SPATA31C2: variants seen among roughly 807,000 people sequenced by gnomAD.
SPATA31C2 encodes the protein spermatogenesis-associated protein 31C2.
SPATA31C2 carries 5 observed loss-of-function variants against 11.4 expected under a neutral mutation model. The ratio of observed to expected loss-of-function variants is 0.44; its 90% CI spans 0.23 to 0.92. The LOEUF is 0.92. Among genes scored for constraint, SPATA31C2 ranks in the 40% least tolerant of loss-of-function variants. The pLI, the probability that SPATA31C2 is intolerant of heterozygous loss-of-function variation, is 0.24. For missense variants in SPATA31C2, 1,353 were observed against 1,368.6 expected, an observed-to-expected ratio of 0.99 and a Z score of 0.18; for synonymous variants, 515 against 538.7, an observed-to-expected ratio of 0.96 and a Z score of 0.61.
rs753477277 is a variant in SPATA31C2, at chr9:88,130,800, C to T, written c.2237G>A (p.Arg746Gln). The change falls in exon 4 of 4, where the codon CGA becomes CAA. Residue 746 changes from arginine to glutamine, a missense_variant. This residue lies in a region of SPATA31C2 where 1,075 missense variants were observed against 992.8 expected (regional missense o/e 1.08). Coordinates refer to ENST00000324915, the MANE Select transcript of SPATA31C2 (RefSeq NM_001350978.3). ...ATGATCATTCGAAGATGGGATCCCT[C>T]GCGGGGCCCTCTGGAACTGCTTACA... is the stretch of plus-strand genomic sequence containing the variant. Reference protein sequence around the residue: ...PACKQFQRAPRGIPSSNDHGS... With the variant: ...PACKQFQRAPQGIPSSNDHGS... The T allele has an allele frequency of 9.3e-6, 15 of 1,612,822 alleles. No homozygotes were observed. Among genetic ancestry groups the T allele is most frequent in the African/African-American group, 2.7e-5 (2 of 74,888 alleles).
Position 88,132,150 on chromosome 9 carries a change from C to A in SPATA31C2, c.887G>T (p.Trp296Leu). Reference protein sequence around the residue: ...LSWSQETTKTWCVFNSSVQQD... With the variant: ...LSWSQETTKTLCVFNSSVQQD... ...CTGGACTGACGAGTTGAAGACGCAC[C>A]AGGTTTTGGTAGTCTCCTGCGACCA... Residue 296 changes from tryptophan to leucine, a missense_variant, in exon 4 of 4, where the codon TGG (tryptophan) becomes TTG (leucine). Trp to Leu is a moderately conservative substitution (Grantham distance 61). Around this residue, in one of 6 missense-constraint regions of SPATA31C2, gnomAD observed 1,075 missense variants for 992.8 expected, o/e 1.08. Transcript: ENST00000324915. 1 of 1,610,610 alleles carries A rather than the reference C, an allele frequency of 6.2e-7. No individual in the cohort carries two copies. Among genetic ancestry groups the A allele is most frequent in the Non-Finnish European group, 8.5e-7 (1 of 1,177,598 alleles).
In SPATA31C2 at chr9:88,133,545, C is replaced by G. The variant is rs202054946; in HGVS notation, c.265+49G>C. 9.2e-3 allele frequency: 14,239 copies of G among 1,555,626 alleles called. 388 individuals are homozygous for G. The East Asian group carries it at 0.2, about 22-fold the overall frequency. The stretch of plus-strand genomic sequence containing the variant: ...GACTTCTTCAGAGTCAGTTCCCTCC[C>G]GGACAGATGAGATCAAATTAACTCT... On this transcript the variant is annotated intron_variant, in intron 2 of 3. Transcript: ENST00000324915.
Position 88,131,322 on chromosome 9 carries a change from A to C in SPATA31C2, c.1715T>G (p.Ile572Arg). 1 of 1,611,878 alleles carries C rather than the reference A, an allele frequency of 6.2e-7. No individual in the cohort carries two copies. Among genetic ancestry groups the C allele is most frequent in the Non-Finnish European group, 8.5e-7 (1 of 1,179,858 alleles). The change falls in exon 4 of 4, where the codon ATA becomes AGA. Residue 572 changes from isoleucine (I) to arginine (R), a missense_variant. Ile to Arg is a moderately conservative substitution (Grantham distance 97). This residue lies in a region of SPATA31C2 where 1,075 missense variants were observed against 992.8 expected (regional missense o/e 1.08). Coordinates refer to ENST00000324915, the MANE Select transcript of SPATA31C2 (RefSeq NM_001350978.3). Reference sequence around the variant, plus strand: ...CATGTGGGCTTTCAGGATGTTTTCTATATGATTCCTCTCTGTGCGTCTTAA... The same window carrying C: ...CATGTGGGCTTTCAGGATGTTTTCTCTATGATTCCTCTCTGTGCGTCTTAA... ...DLLRRTERNHIENILKAHMSR... is the reference protein window; with the variant it reads ...DLLRRTERNHRENILKAHMSR...
rs373582239 is a variant in SPATA31C2, at chr9:88,132,357, G to C, written c.680C>G (p.Pro227Arg). The change falls in exon 4 of 4, where the codon CCG becomes CGG. Residue 227 changes from proline (P) to arginine (R), a missense_variant. Pro to Arg is a moderately radical substitution (Grantham distance 103). Transcript: ENST00000324915. ...PDPLACSPPP[P>R]KGFTPPPLRD... ...CAGGGGAGGAGGAGTGAAGCCTTTC[G>C]GAGGAGGCGGAGAGCAGGCCAGAGG... The C allele has an allele frequency of 6.2e-7, 1 of 1,611,068 alleles. No homozygotes were observed. Among genetic ancestry groups the C allele is most frequent in the South Asian group, 1.1e-5 (1 of 91,022 alleles).
In SPATA31C2 at chr9:88,136,500, C is replaced by A. The variant is rs1052431421; in HGVS notation, c.189+1758G>T. Reference sequence around the variant, plus strand: ...TTGCACTTTTCTTCCAGTTTTTACCCTGTCTTTATTAACAGGCTCTTATGC... The same window carrying A: ...TTGCACTTTTCTTCCAGTTTTTACCATGTCTTTATTAACAGGCTCTTATGC... On this transcript the variant is annotated intron_variant, in intron 1 of 3. Coordinates refer to ENST00000324915, the MANE Select transcript of SPATA31C2 (RefSeq NM_001350978.3). Among the ~76,000 whole-genome samples, 5 of 145,980 alleles carry A rather than the reference C, an allele frequency of 3.4e-5. 1 individual carries two copies. The highest frequency in any genetic ancestry group is 1.3e-4 in the African/African-American group (5 of 39,948).
rs1167077680 is a variant in SPATA31C2, at chr9:88,132,029, A to C, written c.1008T>G (p.Phe336Leu). ...LSHLEPESQP[F>L]ISSTPQFWPT... ...GCCAGAATTGGGGTGTGGATGAAATAAAGGGTTGGGACTCAGGCTCCAGAT... is the reference window on the plus strand; with the variant it reads ...GCCAGAATTGGGGTGTGGATGAAATCAAGGGTTGGGACTCAGGCTCCAGAT... The change falls in exon 4 of 4, where the codon TTT (phenylalanine) becomes TTG (leucine). Residue 336 changes from phenylalanine to leucine, a missense_variant. Physicochemically the swap from Phe to Leu is conservative, Grantham distance 22. Coordinates refer to ENST00000324915, the MANE Select transcript of SPATA31C2 (RefSeq NM_001350978.3). 6.2e-7 allele frequency: 1 copy of C among 1,610,894 alleles called. No individual in the cohort carries two copies. Among genetic ancestry groups the C allele is most frequent in the South Asian group, 1.1e-5 (1 of 91,038 alleles).
chr9:88,130,614 A>G lies in SPATA31C2; in HGVS notation c.2423T>C (p.Leu808Ser), dbSNP rs771466611. 8.1e-6 allele frequency: 13 copies of G among 1,613,458 alleles called. No homozygotes were observed. Among genetic ancestry groups the G allele is most frequent in the South Asian group, 6.6e-5 (6 of 91,064 alleles). Reference protein sequence around the residue: ...REAVPQPTVPLGTCMRANLQA... With the variant: ...REAVPQPTVPSGTCMRANLQA... ...GAGGTTTGCTCTCATACAGGTTCCC[A>G]AGGGGACTGTGGGTTGTGGCACTGC... Residue 808 changes from leucine (L) to serine (S), a missense_variant, in exon 4 of 4, where the codon TTG becomes TCG. Leu to Ser is a moderately radical substitution (Grantham distance 145). Coordinates refer to ENST00000324915, the MANE Select transcript of SPATA31C2 (RefSeq NM_001350978.3).
intron 1 of SPATA31C2, among the ~76,000 whole-genome samples, chr9:88,137,897 G>T (rs1825701162): frequency 9.7e-6 from 1 of 103,574 alleles, no homozygotes; most frequent in Non-Finnish European, 1.7e-5. Flanking sequence ...ATGAGCCAGG[G>T]CTCAGGGCCT....
chr9:88,133,640 C>G lies in SPATA31C2; in HGVS notation c.219G>C (p.Gly73=), dbSNP rs568682620. 1.3e-6 allele frequency: 2 copies of G among 1,585,140 alleles called. No homozygotes were observed. Among genetic ancestry groups the G allele is most frequent in the Admixed American group, 3.4e-5 (2 of 58,826 alleles). The change falls in exon 2 of 4, where the codon GGG becomes GGC. Residue 73 remains glycine, a synonymous_variant. Coordinates refer to ENST00000324915, the MANE Select transcript of SPATA31C2 (RefSeq NM_001350978.3). ...KRHLVSQRPA[G]RRGRPRGRMK... is the part of the protein sequence containing the mutation. ...TCCTGCCTCTGGGCCTCCCCCTCCG[C>G]CCTGCTGGACGCTGGGAGACAAGAT...
rs1020833160 is a variant in SPATA31C2, at chr9:88,137,863, G to C, written c.189+395C>G. Among the ~76,000 whole-genome samples, 15 of 97,746 alleles carry C rather than the reference G, an allele frequency of 1.5e-4. 2 individuals carry two copies. Among genetic ancestry groups the C allele is most frequent in the African/African-American group, 2.1e-4 (3 of 14,118 alleles). 64.1% of individuals were successfully genotyped at this position (97,746 alleles called of 152,430 possible). A position where few individuals can be genotyped will look rare whatever the true frequency, so the allele number is the denominator to read the frequency against. ...CCACACAGAAGAGGCTGGGTCCCGA[G>C]CCACCTGCCCCAGGAAGGGACTGAT... On this transcript the variant is annotated intron_variant, in intron 1 of 3. Transcript: ENST00000324915.
chr9:88,132,356 C>T lies in SPATA31C2; in HGVS notation c.681G>A (p.Pro227=), dbSNP rs571347778. The change falls in exon 4 of 4, where the codon CCG becomes CCA. Residue 227 remains proline (P), a synonymous_variant. Transcript: ENST00000324915. ...GCAGGGGAGGAGGAGTGAAGCCTTT[C>T]GGAGGAGGCGGAGAGCAGGCCAGAG... ...PDPLACSPPP[P]KGFTPPPLRD... 570 of 1,610,936 alleles carry T rather than the reference C, an allele frequency of 3.5e-4. 5 individuals carry two copies. In the South Asian group the frequency reaches 4.6e-3, roughly 13 times the overall value.
chr9:88,131,583 T>G lies in SPATA31C2; in HGVS notation c.1454A>C (p.Lys485Thr). 1.2e-6 allele frequency: 2 copies of G among 1,611,890 alleles called. No individual in the cohort carries two copies. The highest frequency in any genetic ancestry group is 1.7e-6 in the Non-Finnish European group (2 of 1,179,812). ...CGTGGAGGACTGCCAGGGCCTGGGT[T>G]TGCCCTTGGCCTGACTTGTCCCTGG... Reference protein sequence around the residue: ...ELPGTSQAKGKPRPWQSSTST... With the variant: ...ELPGTSQAKGTPRPWQSSTST... Residue 485 changes from lysine to threonine, a missense_variant, in exon 4 of 4, where the codon AAA becomes ACA. This residue lies in a region of SPATA31C2 where 1,075 missense variants were observed against 992.8 expected (regional missense o/e 1.08). Transcript: ENST00000324915.
intron 1 of SPATA31C2, among the ~76,000 whole-genome samples, chr9:88,134,392 C>T (rs1440987999): frequency 3.3e-5 from 5 of 150,002 alleles, no homozygotes; most frequent in South Asian, 2.1e-4. Context: ...GGCTGGGTCC[C>T]GAGCCACCTG....
Position 88,132,291 on chromosome 9 carries a change from A to G in SPATA31C2, c.746T>C (p.Val249Ala). 1 of 1,610,848 alleles carries G rather than the reference A, an allele frequency of 6.2e-7. No homozygotes were observed. Residue 249 changes from valine (V) to alanine (A), a missense_variant, in exon 4 of 4, where the codon GTG (valine) becomes GCG (alanine). Physicochemically the swap from Val to Ala is moderately conservative, Grantham distance 64. Transcript: ENST00000324915. ...TLLTPSHCDS[V>A]ALPLDTVPQS... is the part of the protein sequence containing the mutation. ...AGGGACGGTGTCCAGTGGAAGTGCC[A>G]CTGAGTCACAGTGAGATGGTGTTAA... is the stretch of plus-strand genomic sequence containing the variant.
At chr9:88,136,743 G>A (rs1446729436) in intron 1 of SPATA31C2, among the ~76,000 whole-genome samples, 111 of 136,502 alleles carry the variant, frequency 8.1e-4, no homozygotes, top group East Asian at 1.3e-3. Context: ...TATCTAATTG[G>A]TTTTCTTATT....
chr9:88,132,502 G>T lies in SPATA31C2; in HGVS notation c.535C>A (p.Pro179Thr). ...AGGGAGGAGACTGAGGTGGTCATTG[G>T]GCCTGGTGGTGGGGTGGAGGCCAGA... ...QDLASTPPPG[P>T]MTTSVSSLSA... Residue 179 changes from proline (P) to threonine (T), a missense_variant, in exon 4 of 4, where the codon CCA becomes ACA. Coordinates refer to ENST00000324915, the MANE Select transcript of SPATA31C2 (RefSeq NM_001350978.3). 1 of 1,610,862 alleles carries T rather than the reference G, an allele frequency of 6.2e-7. No homozygotes were observed. Among genetic ancestry groups the T allele is most frequent in the South Asian group, 1.1e-5 (1 of 91,008 alleles).
Position 88,132,844 on chromosome 9 carries a change from G to C in SPATA31C2, c.326+122C>G. 1.4e-5 allele frequency: 18 copies of C among 1,292,992 alleles called. 5 individuals carry two copies. The South Asian group carries it at 2.3e-4, about 17-fold the overall frequency. 80.1% of individuals were successfully genotyped at this position (1,292,992 alleles called of 1,614,324 possible). On this transcript the variant is annotated intron_variant, in intron 3 of 3. Transcript: ENST00000324915. ...TTCTCCTGCTACCCCTCGCCCCAGG[G>C]CTTTACTCCCATCCTCTGTCCCCCT...
rs780241632 is a variant in SPATA31C2, at chr9:88,129,598, A to G, written c.*34T>C. 2.5e-6 allele frequency: 4 copies of G among 1,602,376 alleles called. No homozygotes were observed. The highest frequency in any genetic ancestry group is 3.4e-5 in the Admixed American group (2 of 59,482). The stretch of plus-strand genomic sequence containing the variant: ...AAGAGTTGGGGATGTCGCAGGCCCC[A>G]TTGCTCATTGTTGCACCGGACACTT... On this transcript the variant is annotated 3_prime_UTR_variant, in exon 4 of 4. Transcript: ENST00000324915.
chr9:88,130,027 G>A lies in SPATA31C2; in HGVS notation c.3010C>T (p.Pro1004Ser), dbSNP rs757064189. 9.3e-6 allele frequency: 15 copies of A among 1,608,818 alleles called. No homozygotes were observed. Among genetic ancestry groups the A allele is most frequent in the Non-Finnish European group, 1.3e-5 (15 of 1,176,972 alleles). The change falls in exon 4 of 4, where the codon CCT becomes TCT. Residue 1004 changes from proline to serine, a missense_variant. Around this residue, in one of 6 missense-constraint regions of SPATA31C2, gnomAD observed 187 missense variants for 205.8 expected, o/e 0.91. Coordinates refer to ENST00000324915, the MANE Select transcript of SPATA31C2 (RefSeq NM_001350978.3). Reference protein sequence around the residue: ...VQLLPSKKQPPSISHFGENIK... With the variant: ...VQLLPSKKQPSSISHFGENIK... ...TTTTCTCCAAAGTGGCTTATTGAAG[G>A]AGGCTGTTTCTTTGATGGCAGTAGC...
Sources: gnomAD v4.1 joint callset for allele counts (sites outside exome capture counted in the v4.1 genomes callset) on GRCh38, gnomAD v4.1.1 for gene constraint, gnomAD v4.1.1 regional missense constraint, MANE v1.5 for transcripts, NCBI Gene and HGNC (gene_info 2026-07-23, HGNC 2026-07-21) for gene names.